SRGAP1: variants seen among roughly 807,000 people sequenced by gnomAD.
The protein encoded by SRGAP1 is SLIT-ROBO Rho GTPase activating protein 1.
A neutral mutation model predicts 121.9 loss-of-function variants in SRGAP1; 43 were observed. The observed-to-expected ratio is 0.35, with a 90% CI of 0.28 to 0.46. The LOEUF (loss-of-function observed/expected upper bound fraction) is 0.46. Among genes scored for constraint, SRGAP1 ranks in the 20% least tolerant of loss-of-function variants. The pLI, the probability that SRGAP1 is intolerant of heterozygous loss-of-function variation, is 1.00. For missense variants in SRGAP1, 1,102 were observed against 1,350.9 expected (o/e 0.82, Z 2.89); for synonymous variants, 447 against 485.4 (o/e 0.92, Z 1.04).
chr12:64,068,050 G>A (rs998775686), intron 8 of SRGAP1, among the ~76,000 whole-genome samples: 2 of 151,970 alleles, frequency 1.3e-5, no homozygotes, highest in South Asian at 2.1e-4. Context: ...AGATCAAGGC[G>A]GGCAGATTGC....
intron 15 of SRGAP1, among the ~76,000 whole-genome samples, chr12:64,104,173 G>A (rs2036302886): frequency 6.6e-6 from 1 of 152,208 alleles, no homozygotes; most frequent in African/African-American, 2.4e-5. Flanking sequence ...GCCATTTGCT[G>A]AAGTAACTTG....
At chr12:63,982,765 C>G (rs1565980932) in intron 1 of SRGAP1, 1 of 145,668 alleles carries the variant, frequency 6.9e-6, no homozygotes, top group Non-Finnish European at 1.5e-5. Context: ...CTTAGCCTTA[C>G]TTAGGTCTTA....
At chr12:63,925,452 C>T (rs1002275503) in intron 1 of SRGAP1, among the ~76,000 whole-genome samples, 2 of 151,872 alleles carry the variant, frequency 1.3e-5, no homozygotes, top group East Asian at 1.9e-4. Flanking sequence ...AAAATTATGC[C>T]GATTAGTAGG....
chr12:64,014,839 C>T (rs959577425), intron 3 of SRGAP1, among the ~76,000 whole-genome samples: 3 of 152,110 alleles, frequency 2.0e-5, no homozygotes, highest in Non-Finnish European at 4.4e-5. Flanking sequence ...TTTTTTGAGA[C>T]AGAGTCTCAC....
intron 1 of SRGAP1, among the ~76,000 whole-genome samples, chr12:63,949,170 ATTTTTTCCATATATATTT>A (rs1212234266): frequency 9.2e-6 from 1 of 108,500 alleles, no homozygotes; most frequent in Non-Finnish European, 1.9e-5. Context: ...CCATATATAT[ATTTTTTCCATATATATTT>A]TTTTTTCCAT....
At chr12:63,873,739 G>A (rs1899935475) in intron 1 of SRGAP1, among the ~76,000 whole-genome samples, 1 of 151,190 alleles carries the variant, frequency 6.6e-6, no homozygotes, top group Non-Finnish European at 1.5e-5. Context: ...TGCAATCTCA[G>A]TTCGCTGCAA....
chr12:64,056,617 A>G (rs2035348996), intron 6 of SRGAP1, among the ~76,000 whole-genome samples: 1 of 151,918 alleles, frequency 6.6e-6, no homozygotes, highest in African/African-American at 2.4e-5. Context: ...CCTATTTCCT[A>G]TTCTCCAAAG....
intron 1 of SRGAP1, 132 bp from the exon 2 acceptor site, chr12:63,983,815 T>TTTCGTG (rs2033328790): frequency 2.6e-5 from 1 of 38,936 alleles, no homozygotes; most frequent in African/African-American, 1.0e-4. Flanking sequence ...TATATATATA[T>TTTCGTG]ATATATATAT....
At chr12:63,860,627 A>G (rs764342964) in intron 1 of SRGAP1, among the ~76,000 whole-genome samples, 7 of 152,178 alleles carry the variant, frequency 4.6e-5, no homozygotes, top group Non-Finnish European at 1.0e-4. Flanking sequence ...ATTATTTTCA[A>G]TTAGGCCTCT....
At chr12:63,973,468 A>G (rs999299022) in intron 1 of SRGAP1, among the ~76,000 whole-genome samples, 1 of 152,172 alleles carries the variant, frequency 6.6e-6, no homozygotes, top group Non-Finnish European at 1.5e-5. Context: ...CAATTTTATC[A>G]TCTCTGTAAT....
chr12:63,948,545 G>A (rs916725932), intron 1 of SRGAP1, among the ~76,000 whole-genome samples: 1 of 151,884 alleles, frequency 6.6e-6, no homozygotes, highest in Non-Finnish European at 1.5e-5. Flanking sequence ...CTATGTTTTT[G>A]TAACTTAGGA....
chr12:63,973,398 C>T (rs1287741679), intron 1 of SRGAP1, among the ~76,000 whole-genome samples: 1 of 152,144 alleles, frequency 6.6e-6, no homozygotes, highest in African/African-American at 2.4e-5. Flanking sequence ...AATGGGAATC[C>T]AAGTTCTGGT....
intron 1 of SRGAP1, among the ~76,000 whole-genome samples, chr12:63,908,915 G>T (rs1268115421): frequency 2.0e-5 from 3 of 149,310 alleles, no homozygotes; most frequent in Non-Finnish European, 4.4e-5. Context: ...TTTTTTAGAC[G>T]AAGTCTCACT....
At chr12:63,957,490 C>A (rs1167877536) in intron 1 of SRGAP1, among the ~76,000 whole-genome samples, 1 of 152,208 alleles carries the variant, frequency 6.6e-6, no homozygotes, top group East Asian at 1.9e-4. Flanking sequence ...GAGCCAGAGT[C>A]AGGCATAGCG....
intron 3 of SRGAP1, among the ~76,000 whole-genome samples, chr12:64,012,169 A>G (rs558507515): frequency 5.9e-5 from 9 of 152,226 alleles, no homozygotes; most frequent in Non-Finnish European, 1.2e-4. Flanking sequence ...AAGATTAAAA[A>G]CTTTGAGACT....
chr12:64,097,308 C>T lies in SRGAP1; in HGVS notation c.1746C>T (p.Leu582=). Residue 582 remains leucine, a synonymous_variant, in exon 15 of 22, where the codon CTC becomes CTT. Coordinates refer to ENST00000355086, the MANE Select transcript of SRGAP1 (RefSeq NM_020762.4). The stretch of plus-strand genomic sequence containing the variant: ...ACTCAGTTGCTGGCGTTCTGAAGCT[C>T]TATTTCCGTGGGCTGGAAAACCCCC... ...DINSVAGVLK[L]YFRGLENPLF... is the part of the protein sequence containing the mutation. 1 of 1,612,558 alleles carries T rather than the reference C, an allele frequency of 6.2e-7. No homozygotes were observed. Among genetic ancestry groups the T allele is most frequent in the Non-Finnish European group, 8.5e-7 (1 of 1,179,640 alleles).
intron 8 of SRGAP1, among the ~76,000 whole-genome samples, chr12:64,068,430 G>A (rs971003495): frequency 2.0e-5 from 3 of 151,874 alleles, no homozygotes; most frequent in Non-Finnish European, 4.4e-5. Context: ...GACCTCACAG[G>A]CTCAGGTGAT....
intron 3 of SRGAP1, among the ~76,000 whole-genome samples, chr12:64,003,225 TA>T (rs2033963017): frequency 6.6e-6 from 1 of 152,046 alleles, no homozygotes; most frequent in Non-Finnish European, 1.5e-5. Context: ...TAGCTGGGAC[TA>T]CAGGTGTACA....
At chr12:63,877,908 C>T (rs1255555597) in intron 1 of SRGAP1, among the ~76,000 whole-genome samples, 3 of 152,200 alleles carry the variant, frequency 2.0e-5, no homozygotes, top group African/African-American at 7.2e-5. Flanking sequence ...TACCTGGAGC[C>T]AATGATGATT....
Sources: allele counts gnomAD v4.1 joint callset (sites outside exome capture counted in the v4.1 genomes callset), GRCh38; gene constraint gnomAD v4.1.1; transcripts MANE v1.5; gene names NCBI Gene and HGNC (gene_info 2026-07-23, HGNC 2026-07-21).